Variants in NPHP4 observed in about 807,000 individuals in gnomAD.
The protein encoded by NPHP4 is nephrocystin 4, also known as nephrocystin-4.
Under a neutral mutation model 155.8 loss-of-function variants are expected in NPHP4, and 151 were observed. The observed-to-expected ratio is 0.97, with a 90% CI of 0.85 to 1.11. The LOEUF is 1.11. NPHP4 is among the 50% of genes least tolerant of loss of function. NPHP4 has a pLI of 0.00. For missense variants in NPHP4, 1,956 were observed against 1,925.7 expected, an observed-to-expected ratio of 1.02 and a Z score of -0.29; for synonymous variants, 845 against 816.8, an observed-to-expected ratio of 1.03 and a Z score of -0.59.
In NPHP4 at chr1:5,931,307, A is replaced by G. The variant is rs182947195; in HGVS notation, c.1302+1840T>C. Among the ~76,000 whole-genome samples, 1,060 of 152,224 alleles carry G rather than the reference A, an allele frequency of 7.0e-3. 6 individuals carry two copies. Among genetic ancestry groups the G allele is most frequent in the Non-Finnish European group, 0.011 (773 of 68,012 alleles). ...ACAGGTTCAGTTCCAAACCACTACA[A>G]TAAAGCAAGTCACTGAATTTTTTGG... On this transcript the variant is annotated intron_variant, in intron 10 of 29. Transcript: ENST00000378156.
intron 8 of NPHP4, among the ~76,000 whole-genome samples, chr1:5,947,568 C>G (rs543631710): frequency 1.3e-5 from 2 of 152,306 alleles, no homozygotes; most frequent in South Asian, 4.1e-4. Flanking sequence ...GCCAAGTTAC[C>G]AGGAAATGCC....
intron 23 of NPHP4, among the ~76,000 whole-genome samples, chr1:5,870,326 A>AGTAAC (rs1401828873): frequency 6.6e-6 from 1 of 152,370 alleles, no homozygotes; most frequent in East Asian, 1.9e-4. Flanking sequence ...AAATAATGAT[A>AGTAAC]GTAACAAAAT....
At chr1:5,865,375 G>T in intron 26 of NPHP4, 102 bp from the exon 27 acceptor site, 1 of 1,115,170 alleles carries the variant, frequency 9.0e-7, no homozygotes, top group Non-Finnish European at 1.2e-6. Context: ...ACAGGAGGCT[G>T]TGCAGGGAAA....
rs1384675151 is a variant in NPHP4 at position 5,904,535 on chromosome 1, C to A, written c.2143+82G>T. On this transcript the variant is annotated intron_variant, in intron 16 of 29. Coordinates refer to ENST00000378156, the MANE Select transcript of NPHP4 (RefSeq NM_015102.5). ...CATATGTTTTAAACTTTTCATAGTA[C>A]CACTTATTTAATAACACTGACAATT... The A allele has an allele frequency of 5.5e-6, 6 of 1,086,970 alleles. 1 individual carries two copies. In the South Asian group the frequency reaches 6.6e-5, roughly 12 times the overall value. The allele number at this position is 1,086,970 out of a possible 1,614,324, so 67.3% of individuals were successfully genotyped here.
At chr1:5,865,360 G>A in intron 26 of NPHP4, 87 bp from the exon 27 acceptor site, 1 of 1,241,416 alleles carries the variant, frequency 8.1e-7, no homozygotes, top group Non-Finnish European at 1.1e-6. Context: ...CAGGAGCGTG[G>A]GCAGACAGGA....
chr1:5,866,493 A>T, intron 25 of NPHP4, 35 bp from the exon 26 acceptor site: 3 of 1,320,236 alleles, frequency 2.3e-6, no homozygotes, highest in Non-Finnish European at 3.2e-6. Context: ...CAGGGCACAC[A>T]GTGCTCTGCC....
intron 1 of NPHP4, among the ~76,000 whole-genome samples, chr1:5,986,928 G>T (rs1275789911): frequency 1.3e-5 from 2 of 152,106 alleles, no homozygotes; most frequent in African/African-American, 4.8e-5. Flanking sequence ...TCTTGTAGGG[G>T]ACCCAGGGAG....
At chr1:5,869,796 G>T (rs989175358) in intron 23 of NPHP4, among the ~76,000 whole-genome samples, 1 of 152,196 alleles carries the variant, frequency 6.6e-6, no homozygotes, top group Non-Finnish European at 1.5e-5. Context: ...AGGAAATTAG[G>T]CAAATAAGTA....
intron 12 of NPHP4, among the ~76,000 whole-genome samples, chr1:5,908,039 G>A (rs1273978159): frequency 1.3e-5 from 2 of 152,232 alleles, no homozygotes; most frequent in Non-Finnish European, 2.9e-5. Context: ...TTCACTGTCA[G>A]CAATGATGGC....
intron 19 of NPHP4, 68 bp downstream of exon 19, chr1:5,880,046 C>T (rs1190957198): frequency 3.5e-5 from 55 of 1,570,484 alleles, no homozygotes; most frequent in East Asian, 1.8e-4. Flanking sequence ...CACACACACA[C>T]GCAGTCTTCC....
At chr1:5,941,234 A>G (rs1264798596) in intron 9 of NPHP4, among the ~76,000 whole-genome samples, 1 of 144,328 alleles carries the variant, frequency 6.9e-6, no homozygotes, top group Non-Finnish European at 1.5e-5. Flanking sequence ...CCAGATGGCC[A>G]CTGGGAAAAG....
chr1:5,865,654 G>A (rs372487107), intron 26 of NPHP4: 22 of 185,336 alleles, frequency 1.2e-4, no homozygotes, highest in East Asian at 1.1e-3. Flanking sequence ...GCAGCGCCAC[G>A]CAGGAGACAG....
intron 7 of NPHP4, among the ~76,000 whole-genome samples, chr1:5,949,369 C>CACACACACACACA (rs1047844844): frequency 5.3e-5 from 8 of 151,826 alleles, no homozygotes; most frequent in African/African-American, 1.9e-4. Flanking sequence ...CACACACACA[C>CACACACACACACA]AACTTGCTAA....
rs1644072046 is a variant in NPHP4, at chr1:5,890,606, T to C, written c.2304+262A>G. Among the ~76,000 whole-genome samples the C allele has an allele frequency of 6.6e-6, 1 of 152,118 alleles. No individual in the cohort carries two copies. The highest frequency in any genetic ancestry group is 2.4e-5 in the African/African-American group (1 of 41,422). On this transcript the variant is annotated intron_variant, in intron 17 of 29. Coordinates refer to ENST00000378156, the MANE Select transcript of NPHP4 (RefSeq NM_015102.5). This position sits in a 1 kb window ranked among gnomAD's most constrained non-coding sequence, Gnocchi z 4.9. Reference sequence around the variant, plus strand: ...AAGTGACACTGCCTGGTAGGTCAGTTTGCAGGAGAAATAGATAACTGAGTT... The same window carrying C: ...AAGTGACACTGCCTGGTAGGTCAGTCTGCAGGAGAAATAGATAACTGAGTT...
intron 11 of NPHP4, among the ~76,000 whole-genome samples, chr1:5,914,257 C>CAAAAAAAAAAAAAAAAAAAAAA (rs575438284): frequency 6.3e-5 from 3 of 47,394 alleles, no homozygotes; most frequent in Non-Finnish European, 8.4e-5. Flanking sequence ...CTTATCTATA[C>CAAAAAAAAAAAAAAAAAAAAAA]AAAAAAAAAA....
chr1:5,887,406 T>A lies in NPHP4; in HGVS notation c.2365A>T (p.Thr789Ser). 1 of 1,613,412 alleles carries A rather than the reference T, an allele frequency of 6.2e-7. No homozygotes were observed. Among genetic ancestry groups the A allele is most frequent in the Non-Finnish European group, 8.5e-7 (1 of 1,179,872 alleles). Residue 789 changes from threonine to serine, a missense_variant, in exon 18 of 30, where the codon ACT (threonine) becomes TCT (serine). Physicochemically the swap from Thr to Ser is moderately conservative, Grantham distance 58 (BLOSUM62 1). Transcript: ENST00000378156. ...QASHELEVVA[T>S]EYEQDNMVVS... ...ACCATGTTGTCCTGCTCGTATTCAGTTGCCACGACCTCAAGCTCGTGGGAG... is the reference window on the plus strand; with the variant it reads ...ACCATGTTGTCCTGCTCGTATTCAGATGCCACGACCTCAAGCTCGTGGGAG...
intron 11 of NPHP4, among the ~76,000 whole-genome samples, chr1:5,924,491 G>A (rs777410818): frequency 2.6e-5 from 4 of 152,012 alleles, no homozygotes; most frequent in Non-Finnish European, 4.4e-5. Context: ...ATGAAAACAG[G>A]GCAGCCAGGG....
At chr1:5,914,053 C>A (rs72857438) in intron 11 of NPHP4, among the ~76,000 whole-genome samples, 3,745 of 152,010 alleles carry the variant, frequency 0.025, 124 homozygotes, top group African/African-American at 0.082. Context: ...AGGGATAGGG[C>A]TGGGGCAGGA....
In NPHP4 at chr1:5,905,743, G is replaced by C. The variant is rs1644884684; in HGVS notation, c.1652C>G (p.Ala551Gly). ...PLEAGISHLE[A>G]DLSQTSLVLE... ...GACCAGGGAGGTCTGGCTCAGGTCG[G>C]CTTCCAGGTGGGAGATACCGGCCTC... Residue 551 changes from alanine to glycine, a missense_variant, in exon 14 of 30, where the codon GCC becomes GGC. Coordinates refer to ENST00000378156, the MANE Select transcript of NPHP4 (RefSeq NM_015102.5). The surrounding 1 kb of genome is among the most constrained non-coding windows in gnomAD (Gnocchi z 4.0). The C allele has an allele frequency of 1.2e-6, 2 of 1,612,366 alleles. No homozygotes were observed. Among genetic ancestry groups the C allele is most frequent in the Non-Finnish European group, 8.5e-7 (1 of 1,179,226 alleles).
Sources: gnomAD v4.1 joint callset for allele counts (sites outside exome capture counted in the v4.1 genomes callset) on GRCh38, gnomAD v4.1.1 for gene constraint, Gnocchi (gnomAD v3.1) non-coding constraint, MANE v1.5 for transcripts, NCBI Gene and HGNC (gene_info 2026-07-23, HGNC 2026-07-21) for gene names.